The following HMCN1 variants were observed in gnomAD, a reference collection of about 807,000 sequenced individuals.
HMCN1 encodes hemicentin 1.
In HMCN1, 321 loss-of-function variants were observed where a neutral mutation model predicts 625.9. The ratio of observed to expected loss-of-function variants is 0.51; its 90% confidence interval spans 0.47 to 0.56. The LOEUF is 0.56. HMCN1 is among the 20% of genes least tolerant of loss of function. The probability of loss-of-function intolerance (pLI) is 0.00; values close to 1 mark genes in which losing one functional copy is unlikely to be tolerated. For missense variants in HMCN1, 6,588 were observed against 6,887.3 expected, an observed-to-expected ratio of 0.96 and a Z score of 1.54; for synonymous variants, 2,425 against 2,417.6, an observed-to-expected ratio of 1.00 and a Z score of -0.09.
chr1:185,796,375 C>G (rs1007937731), intron 1 of HMCN1, among the ~76,000 whole-genome samples: 2 of 152,124 alleles, frequency 1.3e-5, no homozygotes, highest in Admixed American at 1.3e-4. Context: ...GTTGAGGACC[C>G]CTGGTGTACA....
intron 29 of HMCN1, among the ~76,000 whole-genome samples, chr1:186,006,340 C>T (rs974433622): frequency 4.6e-5 from 7 of 151,984 alleles, no homozygotes; most frequent in Admixed American, 3.9e-4. Flanking sequence ...GTGGCTAAGT[C>T]ATTGCAACTT....
intron 93 of HMCN1, among the ~76,000 whole-genome samples, chr1:186,147,943 A>G (rs1650424267): frequency 6.6e-6 from 1 of 152,150 alleles, no homozygotes; most frequent in African/African-American, 2.4e-5. Context: ...CAAGAATGAC[A>G]TTTGCCACAT....
chr1:185,773,605 G>T (rs1033415135), intron 1 of HMCN1, among the ~76,000 whole-genome samples: 3 of 152,098 alleles, frequency 2.0e-5, no homozygotes, highest in Admixed American at 1.3e-4. Flanking sequence ...TTTCAACTGT[G>T]CCTGCAACCT....
chr1:186,127,145 G>A (rs868007204), intron 82 of HMCN1, among the ~76,000 whole-genome samples: 3 of 152,072 alleles, frequency 2.0e-5, no homozygotes, highest in Non-Finnish European at 4.4e-5. Flanking sequence ...GCCATCAGCC[G>A]AGACGGTGAA....
chr1:185,785,581 C>G lies in HMCN1; in HGVS notation c.268+50534C>G, dbSNP rs1192340396. ...GAAAATTGTTTGAATAATTCAGCAT[C>G]CTTCTCTTCACCCATGTTTTATATA... On this transcript the variant is annotated intron_variant, in intron 1 of 106. Coordinates refer to ENST00000271588, the MANE Select transcript of HMCN1 (RefSeq NM_031935.3). 3.3e-5 allele frequency among the ~76,000 whole-genome samples: 5 copies of G among 152,198 alleles called. No homozygotes were observed. The East Asian group carries it at 9.6e-4, about 29-fold the overall frequency.
At chr1:185,941,856 C>T (rs1381364833) in intron 11 of HMCN1, among the ~76,000 whole-genome samples, 1 of 151,958 alleles carries the variant, frequency 6.6e-6, no homozygotes, top group East Asian at 1.9e-4. Flanking sequence ...TTAAATAGAA[C>T]TTATAAGGAA....
intron 62 of HMCN1, 74 bp from the exon 63 acceptor site, chr1:186,088,532 T>A: frequency 6.5e-7 from 1 of 1,537,058 alleles, no homozygotes; most frequent in South Asian, 1.2e-5. Flanking sequence ...AGTAAGACAT[T>A]TTATCATGAA....
At chr1:186,103,163 TG>T (rs1660461231) in intron 68 of HMCN1, among the ~76,000 whole-genome samples, 1 of 152,084 alleles carries the variant, frequency 6.6e-6, no homozygotes, top group African/African-American at 2.4e-5. Flanking sequence ...AAGCTGCGTT[TG>T]GTTTTTATTG....
chr1:185,809,846 CTCT>C (rs2102243010), intron 1 of HMCN1, among the ~76,000 whole-genome samples: 2 of 152,202 alleles, frequency 1.3e-5, no homozygotes, highest in Non-Finnish European at 2.9e-5. Context: ...AATTCAAATT[CTCT>C]TCACTACCTA....
At position 185,940,492 on chromosome 1, in the gene HMCN1, C is replaced by G. The variant is rs145142032; in HGVS notation, c.1828+6668C>G. 3.6e-3 allele frequency among the ~76,000 whole-genome samples: 553 copies of G among 152,288 alleles called. 2 individuals carry two copies. The highest frequency in any genetic ancestry group is 0.012 in the African/African-American group (508 of 41,570). On this transcript the variant is annotated intron_variant, in intron 11 of 106. Coordinates refer to ENST00000271588, the MANE Select transcript of HMCN1 (RefSeq NM_031935.3). ...TGTTTTAATTCTGGTTACTAATGAG[C>G]TAGTCTCTCTGAGTTGCTGTTTTCA...
At chr1:186,058,046 T>C (rs1219750716) in intron 46 of HMCN1, among the ~76,000 whole-genome samples, 2 of 152,006 alleles carry the variant, frequency 1.3e-5, no homozygotes, top group Non-Finnish European at 2.9e-5. Context: ...AAAGCTTAGA[T>C]ACTTAGAAAA....
At chr1:185,910,359 G>A (rs867091848) in intron 5 of HMCN1, among the ~76,000 whole-genome samples, 13 of 152,170 alleles carry the variant, frequency 8.5e-5, no homozygotes, top group African/African-American at 2.9e-4. Context: ...ACAAGTTTGA[G>A]CTTATAAATG....
Position 186,003,711 on chromosome 1 carries a change from G to T in HMCN1, c.4349-7G>T, listed in dbSNP as rs1653344972. ...CAGAGTTTCATAATACACTGTCTTTGTTCAAGTTCCACCCACCATAATAGG... is the reference window on the plus strand; with the variant it reads ...CAGAGTTTCATAATACACTGTCTTTTTTCAAGTTCCACCCACCATAATAGG... On this transcript the variant is annotated splice_region_variant and splice_polypyrimidine_tract_variant and intron_variant, in intron 28 of 106. Transcript: ENST00000271588. The T allele has an allele frequency of 5.6e-6, 9 of 1,612,846 alleles. No individual in the cohort carries two copies. Among genetic ancestry groups the T allele is most frequent in the Non-Finnish European group, 7.6e-6 (9 of 1,179,184 alleles).
intron 1 of HMCN1, among the ~76,000 whole-genome samples, chr1:185,792,276 T>C (rs1278441972): frequency 1.3e-5 from 2 of 152,204 alleles, no homozygotes; most frequent in Non-Finnish European, 2.9e-5. Context: ...ACAAACTGTA[T>C]TCCCAATCAC....
intron 1 of HMCN1, among the ~76,000 whole-genome samples, chr1:185,799,874 A>G (rs191061041): frequency 5.3e-5 from 8 of 152,274 alleles, no homozygotes; most frequent in Non-Finnish European, 8.8e-5. Context: ...GGGTGGGGCT[A>G]TGGAACTCCC....
chr1:185,735,582 C>T (rs1653503084), intron 1 of HMCN1, among the ~76,000 whole-genome samples: 1 of 152,206 alleles, frequency 6.6e-6, no homozygotes, highest in Non-Finnish European at 1.5e-5. Flanking sequence ...CATTTCTTAA[C>T]TGAATCTATT....
rs551138305 is a variant in HMCN1, at chr1:186,045,875, G to A, written c.6480+12G>A. The A allele has an allele frequency of 1.9e-6, 3 of 1,582,926 alleles. No individual in the cohort carries two copies. The East Asian group carries it at 6.7e-5, about 36-fold the overall frequency. On this transcript the variant is annotated intron_variant, in intron 41 of 106. Transcript: ENST00000271588. ...GAAGTGTGTTAAAGGTAAGGATATG[G>A]ATTCATTTATTTTACCTTATGTTAT...
intron 10 of HMCN1, among the ~76,000 whole-genome samples, chr1:185,932,090 G>A (rs1667579799): frequency 6.6e-6 from 1 of 152,084 alleles, no homozygotes; most frequent in Non-Finnish European, 1.5e-5. Context: ...TTAACAAAGT[G>A]TCCTGCATTT....
intron 103 of HMCN1, among the ~76,000 whole-genome samples, chr1:186,176,345 A>G (rs1458049750): frequency 6.6e-6 from 1 of 152,220 alleles, no homozygotes; most frequent in Non-Finnish European, 1.5e-5. Flanking sequence ...AAAACTTATA[A>G]TGGTATGGAA....
Sources: allele counts gnomAD v4.1 joint callset (sites outside exome capture counted in the v4.1 genomes callset), GRCh38; gene constraint gnomAD v4.1.1; transcripts MANE v1.5; gene names NCBI Gene and HGNC (gene_info 2026-07-23, HGNC 2026-07-21).